Variants in GSK3B observed in about 807,000 individuals in gnomAD.
GSK3B encodes the protein glycogen synthase kinase 3 beta.
In GSK3B, 15 loss-of-function variants were observed where a neutral mutation model predicts 56.4. The ratio of observed to expected loss-of-function variants is 0.27; its 90% confidence interval spans 0.18 to 0.41. GSK3B has a LOEUF of 0.41. Among genes scored for constraint, GSK3B ranks in the 10% least tolerant of loss-of-function variants. The probability of loss-of-function intolerance (pLI) is 1.00; values close to 1 mark genes in which losing one functional copy is unlikely to be tolerated. For synonymous variants in GSK3B, 181 were observed against 188.9 expected, an observed-to-expected ratio of 0.96 and a Z score of 0.34; for missense variants, 300 against 513.4, an observed-to-expected ratio of 0.58 and a Z score of 4.02.
intron 9 of GSK3B, among the ~76,000 whole-genome samples, chr3:119,862,404 TG>T (rs1192235819): frequency 7.7e-6 from 1 of 130,072 alleles, no homozygotes; most frequent in Non-Finnish European, 1.6e-5. Context: ...GGGATAGCAT[TG>T]GGAGATATAC....
At chr3:119,949,586 C>T (rs952088371) in intron 2 of GSK3B, among the ~76,000 whole-genome samples, 1 of 151,976 alleles carries the variant, frequency 6.6e-6, no homozygotes, top group Admixed American at 6.6e-5. Context: ...CAGGCAGGCA[C>T]AAGATCATAT....
At chr3:120,071,049 A>C (rs2058322642) in intron 1 of GSK3B, among the ~76,000 whole-genome samples, 1 of 152,250 alleles carries the variant, frequency 6.6e-6, no homozygotes, top group South Asian at 2.1e-4. Context: ...CACCTAATGC[A>C]GAGCTTCCAA....
At chr3:119,927,858 A>G (rs1487627830) in intron 3 of GSK3B, among the ~76,000 whole-genome samples, 1 of 152,220 alleles carries the variant, frequency 6.6e-6, no homozygotes, top group African/African-American at 2.4e-5. Flanking sequence ...CATGAAGAAA[A>G]AACTAAGAGG....
chr3:120,067,293 A>G lies in GSK3B; in HGVS notation c.88+26054T>C, dbSNP rs1331169996. Among the ~76,000 whole-genome samples, 4 of 152,126 alleles carry G rather than the reference A, an allele frequency of 2.6e-5. No homozygotes were observed. In the East Asian group the frequency reaches 7.7e-4, roughly 29 times the overall value. ...ATCACATGACACCTGATGTTATGCA[A>G]TAGGAAATACAAATGCTCCCTGACA... On this transcript the variant is annotated intron_variant, in intron 1 of 10. Transcript: ENST00000264235.
chr3:120,015,156 T>A (rs2057812718), intron 1 of GSK3B, among the ~76,000 whole-genome samples: 1 of 152,222 alleles, frequency 6.6e-6, no homozygotes, highest in Admixed American at 6.5e-5. Flanking sequence ...GTTGTTGTTT[T>A]TTAAATGCAT....
chr3:119,895,110 C>T (rs866838344), intron 7 of GSK3B, among the ~76,000 whole-genome samples: 1 of 152,118 alleles, frequency 6.6e-6, no homozygotes, highest in African/African-American at 2.4e-5. Flanking sequence ...CTGGTAAACA[C>T]TATTCTTCTC....
chr3:120,049,679 G>A (rs1294702205), intron 1 of GSK3B, among the ~76,000 whole-genome samples: 4 of 152,130 alleles, frequency 2.6e-5, no homozygotes, highest in African/African-American at 9.7e-5. Flanking sequence ...TCATATGGGG[G>A]GATATATGAT....
In GSK3B at chr3:119,866,568, G is replaced by GA. The variant is rs539666737; in HGVS notation, c.910-2964dup. 1,230 of 1,537,534 alleles carry GA rather than the reference G, an allele frequency of 8.0e-4. 2 individuals carry two copies. The highest frequency in any genetic ancestry group is 9.7e-4 in the Non-Finnish European group (1,080 of 1,117,716). On this transcript the variant is annotated intron_variant, in intron 8 of 10. Transcript: ENST00000264235. ...TTATAGACCTGCCCTGAAATTTTGG[G>GA]AAAAAAAAATTAAGTACATACCCGC...
chr3:120,009,606 C>T (rs758183561), intron 1 of GSK3B, among the ~76,000 whole-genome samples: 10 of 151,956 alleles, frequency 6.6e-5, no homozygotes, highest in Non-Finnish European at 8.8e-5. Context: ...AACCAAACAC[C>T]GCATGTTCTC....
chr3:119,843,397 T>A, intron 9 of GSK3B, 44 bp from the exon 10 acceptor site: 1 of 1,075,966 alleles, frequency 9.3e-7, no homozygotes. Flanking sequence ...ACTCTTAACT[T>A]TGTATGCAAA....
At chr3:120,082,521 A>T (rs900080795) in intron 1 of GSK3B, among the ~76,000 whole-genome samples, 2 of 145,360 alleles carry the variant, frequency 1.4e-5, no homozygotes, top group African/African-American at 5.1e-5. Context: ...TCAGCCTCCC[A>T]AGTAGCTGGG....
chr3:119,888,288 C>T (rs146897939), intron 7 of GSK3B, among the ~76,000 whole-genome samples: 15 of 152,224 alleles, frequency 9.9e-5, no homozygotes, highest in Admixed American at 3.3e-4. Flanking sequence ...GCTGGAGCCA[C>T]GGCAGAGGAA....
Position 119,821,321 on chromosome 3 carries a change from T to C in GSK3B, c.*5467A>G, listed in dbSNP as rs1383898194. On this transcript the variant is annotated 3_prime_UTR_variant, in exon 11 of 11. Coordinates refer to ENST00000264235, the MANE Select transcript of GSK3B (RefSeq NM_001146156.2). ...AAATAAATAAGAGGACCACACTTTATCGAATATAAATTTGTTTTTATTGAA... is the reference window on the plus strand; with the variant it reads ...AAATAAATAAGAGGACCACACTTTACCGAATATAAATTTGTTTTTATTGAA... 7.2e-6 allele frequency: 1 copy of C among 138,772 alleles called. No homozygotes were observed. The highest frequency in any genetic ancestry group is 6.9e-5 in the Admixed American group (1 of 14,492). The allele number at this position is 138,772 out of a possible 1,614,324, so 8.6% of individuals were successfully genotyped here. A position where few individuals can be genotyped will look rare whatever the true frequency, so the allele number is the denominator to read the frequency against.
intron 1 of GSK3B, among the ~76,000 whole-genome samples, chr3:120,078,323 G>A (rs2058383694): frequency 6.6e-6 from 1 of 152,066 alleles, no homozygotes; most frequent in Non-Finnish European, 1.5e-5. Context: ...AATACTGAAA[G>A]CCAACAAGCT....
chr3:119,839,651 G>T (rs150756424), intron 10 of GSK3B, among the ~76,000 whole-genome samples: 231 of 152,264 alleles, frequency 1.5e-3, no homozygotes, highest in Middle Eastern at 3.4e-3. Flanking sequence ...GTGATGTAAG[G>T]TCATTTTTAG....
chr3:119,972,141 T>C (rs2057373498), intron 2 of GSK3B, among the ~76,000 whole-genome samples: 1 of 152,184 alleles, frequency 6.6e-6, no homozygotes, highest in South Asian at 2.1e-4. Flanking sequence ...AATTTAGGTG[T>C]CTATATAGAT....
intron 1 of GSK3B, among the ~76,000 whole-genome samples, chr3:120,006,235 C>T (rs2057726312): frequency 6.6e-6 from 1 of 152,082 alleles, no homozygotes; most frequent in Non-Finnish European, 1.5e-5. Flanking sequence ...ATATATGCAC[C>T]CAATACAAGA....
intron 2 of GSK3B, among the ~76,000 whole-genome samples, chr3:119,994,118 G>A (rs1323934575): frequency 1.3e-5 from 2 of 151,988 alleles, no homozygotes; most frequent in Admixed American, 6.6e-5. Flanking sequence ...CGCCTCGGCC[G>A]CCCTAAGTGC....
chr3:119,935,376 A>C (rs1420893778), intron 3 of GSK3B, among the ~76,000 whole-genome samples: 2 of 152,166 alleles, frequency 1.3e-5, no homozygotes, highest in Non-Finnish European at 2.9e-5. Flanking sequence ...CAACCTGATC[A>C]AGGTACCATT....
Sources: gnomAD v4.1 joint callset for allele counts (sites outside exome capture counted in the v4.1 genomes callset) on GRCh38, gnomAD v4.1.1 for gene constraint, MANE v1.5 for transcripts, NCBI Gene and HGNC (gene_info 2026-07-23, HGNC 2026-07-21) for gene names.